PRPF39: variants seen among roughly 807,000 people sequenced by gnomAD.
The protein encoded by PRPF39 is pre-mRNA-processing factor 39.
A neutral mutation model predicts 82.1 loss-of-function variants in PRPF39; 27 were observed. The ratio of observed to expected loss-of-function variants is 0.33; its 90% CI spans 0.24 to 0.45. PRPF39 has a LOEUF of 0.45. PRPF39 is among the 20% of genes least tolerant of loss of function. The pLI, the probability that PRPF39 is intolerant of heterozygous loss-of-function variation, is 1.00. For synonymous variants in PRPF39, 261 were observed against 256.4 expected, an observed-to-expected ratio of 1.02 and a Z score of -0.17; for missense variants, 581 against 796.9, an observed-to-expected ratio of 0.73 and a Z score of 3.26.
At chr14:45,102,420 G>A in intron 4 of PRPF39, 109 bp from the exon 5 acceptor site, 2 of 867,716 alleles carry the variant, frequency 2.3e-6, no homozygotes, top group South Asian at 2.1e-5. Context: ...TGCATAGGAA[G>A]CAGTTGAATA....
intron 5 of PRPF39, among the ~76,000 whole-genome samples, chr14:45,106,946 G>A (rs1443399927): frequency 6.6e-6 from 1 of 152,148 alleles, no homozygotes; most frequent in East Asian, 1.9e-4. Flanking sequence ...CTCACATGTG[G>A]ATGAGGAGTA....
chr14:45,096,108 C>T lies in PRPF39; in HGVS notation c.330C>T (p.His110=). ...YLLQYVEQEN[H]LMAARKAFDR... Reference sequence around the variant, plus strand: ...TACTGTTTTATTTTTATCAGAATCACTTGATGGCTGCCAGGAAGGCATTTG... The same window carrying T: ...TACTGTTTTATTTTTATCAGAATCATTTGATGGCTGCCAGGAAGGCATTTG... Residue 110 remains histidine (H), a synonymous_variant, in exon 3 of 14, where the codon CAC becomes CAT. Coordinates refer to ENST00000355765, the MANE Select transcript of PRPF39 (RefSeq NM_017922.4). 1 of 1,567,514 alleles carries T rather than the reference C, an allele frequency of 6.4e-7. No homozygotes were observed. The highest frequency in any genetic ancestry group is 8.7e-7 in the Non-Finnish European group (1 of 1,154,894).
intron 1 of PRPF39, among the ~76,000 whole-genome samples, chr14:45,088,885 C>T (rs990640295): frequency 1.3e-5 from 2 of 152,164 alleles, no homozygotes; most frequent in Non-Finnish European, 2.9e-5. Context: ...ATGCAAAGCA[C>T]TGTGCTAAAA....
rs746439855 is a variant in PRPF39, at chr14:45,114,947, A to G, written c.*34A>G. 3 of 1,505,960 alleles carry G rather than the reference A, an allele frequency of 2.0e-6. No individual in the cohort carries two copies. The African/African-American group carries it at 4.1e-5, about 21-fold the overall frequency. 93.3% of individuals were successfully genotyped at this position (1,505,960 alleles called of 1,614,324 possible). A position where few individuals can be genotyped will look rare whatever the true frequency, so the allele number is the denominator to read the frequency against. ...ATGTAAATTTCAAATGCAGTGTGTG[A>G]AAAGTATGAAATTATTATTTTTTTT... On this transcript the variant is annotated 3_prime_UTR_variant, in exon 14 of 14. Transcript: ENST00000355765.
intron 4 of PRPF39, among the ~76,000 whole-genome samples, chr14:45,099,283 T>C (rs1410117716): frequency 1.3e-5 from 2 of 152,134 alleles, no homozygotes; most frequent in East Asian, 3.9e-4. Context: ...TTTCCTTGCC[T>C]TGATTTTCTC....
chr14:45,097,198 T>TA (rs1472307068), intron 4 of PRPF39, among the ~76,000 whole-genome samples, 193 bp downstream of exon 4: 2 of 152,186 alleles, frequency 1.3e-5, no homozygotes, highest in East Asian at 3.8e-4. Flanking sequence ...CCATGCCTCT[T>TA]ATGTCCCCAA....
At chr14:45,093,711 A>G (rs1476812860) in intron 1 of PRPF39, among the ~76,000 whole-genome samples, 1 of 151,404 alleles carries the variant, frequency 6.6e-6, no homozygotes, top group East Asian at 1.9e-4. Flanking sequence ...ATGTGCCACC[A>G]CGCCCGGCTA....
rs551952481 is a variant in PRPF39 at position 45,096,073 on chromosome 14, A to G, written c.325-30A>G. 86 of 1,504,898 alleles carry G rather than the reference A, an allele frequency of 5.7e-5. 4 individuals are homozygous for G. The African/African-American group carries it at 5.8e-4, about 10-fold the overall frequency. 93.2% of individuals were successfully genotyped at this position (1,504,898 alleles called of 1,614,324 possible). ...ATATTTTTTTGACAGAAATTTCCAC[A>G]ATATTTAAATACTGTTTTATTTTTA... On this transcript the variant is annotated intron_variant, in intron 2 of 13. Transcript: ENST00000355765.
chr14:45,100,655 AT>A (rs1884347208), intron 4 of PRPF39, among the ~76,000 whole-genome samples: 1 of 152,066 alleles, frequency 6.6e-6, no homozygotes, highest in African/African-American at 2.4e-5. Flanking sequence ...CATCTATTTT[AT>A]TCTTTTGAAA....
Position 45,110,930 on chromosome 14 carries a change from C to A in PRPF39, c.1572+113C>A, listed in dbSNP as rs923739599. On this transcript the variant is annotated intron_variant, in intron 10 of 13. Transcript: ENST00000355765. This position sits in a 1 kb window ranked among gnomAD's most constrained non-coding sequence, Gnocchi z 4.0. ...GGTCTGTATGTAATAGATTTTATTA[C>A]TAAATGAGGACAACAGTCCCTCTAA... The A allele has an allele frequency of 2.5e-5, 27 of 1,058,848 alleles. No individual in the cohort carries two copies. Among genetic ancestry groups the A allele is most frequent in the Non-Finnish European group, 3.5e-5 (26 of 751,262 alleles). 65.6% of individuals were successfully genotyped at this position (1,058,848 alleles called of 1,614,324 possible). A position where few individuals can be genotyped will look rare whatever the true frequency, so the allele number is the denominator to read the frequency against.
intron 1 of PRPF39, among the ~76,000 whole-genome samples, 153 bp downstream of exon 1, chr14:45,084,402 T>A (rs943574986): frequency 2.6e-5 from 4 of 152,204 alleles, no homozygotes; most frequent in Non-Finnish European, 4.4e-5. Flanking sequence ...CAGCTGTCCA[T>A]TCCTTTCTCC....
intron 4 of PRPF39, among the ~76,000 whole-genome samples, 198 bp from the exon 5 acceptor site, chr14:45,102,331 C>G (rs1884401456): frequency 6.6e-6 from 1 of 152,164 alleles, no homozygotes; most frequent in Non-Finnish European, 1.5e-5. Flanking sequence ...GTACATTTAT[C>G]TATTCTCTTT....
chr14:45,100,190 A>G (rs1478352225), intron 4 of PRPF39, among the ~76,000 whole-genome samples: 1 of 152,184 alleles, frequency 6.6e-6, no homozygotes, highest in Admixed American at 6.5e-5. Flanking sequence ...AGATCGTGAC[A>G]TTGCACTCCA....
At chr14:45,097,847 GT>G (rs1184128577) in intron 4 of PRPF39, among the ~76,000 whole-genome samples, 1 of 152,158 alleles carries the variant, frequency 6.6e-6, no homozygotes, top group East Asian at 1.9e-4. Flanking sequence ...TGCTTAAGAA[GT>G]TAGCTAATGT....
At chr14:45,114,402 C>A in intron 12 of PRPF39, 92 bp from the exon 13 acceptor site, 1 of 1,394,042 alleles carries the variant, frequency 7.2e-7, no homozygotes. Context: ...TTCAGAACTT[C>A]AGTAAAACAA....
chr14:45,105,519 T>C (rs1400629040), intron 5 of PRPF39, among the ~76,000 whole-genome samples: 3 of 151,538 alleles, frequency 2.0e-5, no homozygotes, highest in African/African-American at 7.3e-5. Context: ...CAATGTTATT[T>C]ATATACTTTT....
intron 6 of PRPF39, among the ~76,000 whole-genome samples, chr14:45,107,975 C>T (rs1653630339): frequency 6.6e-6 from 1 of 151,992 alleles, no homozygotes; most frequent in Non-Finnish European, 1.5e-5. Context: ...GACCTGTTAT[C>T]CCTTGACTCC....
rs1883747057 is a variant in PRPF39, at chr14:45,084,222, CATGGCATCAA to C, written c.-46_-37del. On this transcript the variant is annotated 5_prime_UTR_variant, in exon 1 of 14. It removes an upstream start codon present in the reference 5' UTR. Coordinates refer to ENST00000355765, the MANE Select transcript of PRPF39 (RefSeq NM_017922.4). The stretch of plus-strand genomic sequence containing the variant: ...GGCTAGGTCGTCACAGGCTCCGGCT[CATGGCATCAA>C]GTGGCATCCATCATAAGGTCTGCTG... 1 of 153,026 alleles carries C rather than the reference CATGGCATCAA, an allele frequency of 6.5e-6. No individual in the cohort carries two copies. Among genetic ancestry groups the C allele is most frequent in the Non-Finnish European group, 1.5e-5 (1 of 68,344 alleles). The allele number at this position is 153,026 out of a possible 1,614,324, so 9.5% of individuals were successfully genotyped here.
chr14:45,109,079 G>A (rs1238100180), intron 7 of PRPF39, among the ~76,000 whole-genome samples: 2 of 151,992 alleles, frequency 1.3e-5, no homozygotes, highest in Non-Finnish European at 2.9e-5. Flanking sequence ...CCTCAGCTGC[G>A]ACCCTCTACC....
Sources: allele counts gnomAD v4.1 joint callset (sites outside exome capture counted in the v4.1 genomes callset), GRCh38; gene constraint gnomAD v4.1.1; non-coding constraint Gnocchi (gnomAD v3.1); transcripts MANE v1.5; gene names NCBI Gene and HGNC (gene_info 2026-07-23, HGNC 2026-07-21).